LAMA1: variants seen among roughly 807,000 people sequenced by gnomAD.
LAMA1 encodes laminin subunit alpha 1.
Under a neutral mutation model 348.7 loss-of-function variants are expected in LAMA1, and 219 were observed. The ratio of observed to expected loss-of-function variants is 0.63; its 90% CI spans 0.56 to 0.70. The LOEUF (loss-of-function observed/expected upper bound fraction) is 0.70. Among genes scored for constraint, LAMA1 ranks in the 30% least tolerant of loss-of-function variants. The pLI is 0.00. For synonymous variants in LAMA1, 1,487 were observed against 1,491.0 expected (o/e 1.00, Z 0.06); for missense variants, 3,744 against 3,888.0 (o/e 0.96, Z 0.99).
At chr18:6,952,861 G>GTGGAT (rs1600343485) in intron 57 of LAMA1, among the ~76,000 whole-genome samples, 5 of 148,912 alleles carry the variant, frequency 3.4e-5, no homozygotes, top group South Asian at 2.1e-4. Flanking sequence ...CCTGTGTCCA[G>GTGGAT]CGGATCCACG....
intron 21 of LAMA1, 25 bp downstream of exon 21, chr18:7,016,466 C>CAAACAAGGAAACAAGGAAAAG (rs1283613879): frequency 6.2e-7 from 1 of 1,614,042 alleles, no homozygotes; most frequent in East Asian, 2.2e-5. Flanking sequence ...ACTACAAAGT[C>CAAACAAGGAAACAAGGAAAAG]TCAAACAAGG....
intron 1 of LAMA1, among the ~76,000 whole-genome samples, chr18:7,098,610 C>T (rs555956210): frequency 1.5e-3 from 230 of 150,608 alleles, no homozygotes; most frequent in African/African-American, 5.4e-3. Flanking sequence ...ACCCTCTGCC[C>T]GGCAACCGCC....
Position 6,965,307 on chromosome 18 carries a change from G to T in LAMA1, c.7176C>A (p.Phe2392Leu), listed in dbSNP as rs766367131. ...CCCTACCTTGCTTCCGGTTTCGCTGGAAGGCAATTTTGTACCAGGTTCCAT... is the reference window on the plus strand; with the variant it reads ...CCCTACCTTGCTTCCGGTTTCGCTGTAAGGCAATTTTGTACCAGGTTCCAT... ...YNNGTWYKIA[F>L]QRNRKQGVLA... Residue 2392 changes from phenylalanine (F) to leucine (L), a missense_variant, in exon 50 of 63, where the codon TTC becomes TTA. Transcript: ENST00000389658. 3.0e-5 allele frequency: 48 copies of T among 1,614,072 alleles called. 1 individual carries two copies. In the South Asian group the frequency reaches 5.2e-4, roughly 17 times the overall value.
chr18:7,004,580 A>G (rs683459), intron 29 of LAMA1, among the ~76,000 whole-genome samples: 51,656 of 151,992 alleles, frequency 0.34, 9,452 homozygotes, highest in African/African-American at 0.47. Context: ...TCAAACTCCC[A>G]GCCCCAGGTG....
At chr18:6,993,565 CAT>C in intron 35 of LAMA1, 74 bp downstream of exon 35, 1 of 1,041,360 alleles carries the variant, frequency 9.6e-7, no homozygotes, top group Non-Finnish European at 1.5e-6. Context: ...TACATCTATT[CAT>C]ATGTTTAATA....
chr18:7,036,970 A>AG (rs1287101137), intron 12 of LAMA1, among the ~76,000 whole-genome samples: 1 of 152,104 alleles, frequency 6.6e-6, no homozygotes, highest in African/African-American at 2.4e-5. Flanking sequence ...ATAAGTGGGG[A>AG]GGGGGGAATG....
chr18:7,068,545 A>G (rs1736956996), intron 3 of LAMA1, among the ~76,000 whole-genome samples: 1 of 152,184 alleles, frequency 6.6e-6, no homozygotes, highest in South Asian at 2.1e-4. Flanking sequence ...ATCACAGGGG[A>G]TTTTTTAAAT....
At chr18:7,002,238 T>C (rs1568025841) in intron 30 of LAMA1, 26 bp downstream of exon 30, 2 of 1,608,784 alleles carry the variant, frequency 1.2e-6, no homozygotes, top group Admixed American at 1.7e-5. Context: ...CAGCCCAGCA[T>C]GCCAGCTGCC....
In LAMA1 at chr18:7,077,494, T is replaced by G. The variant is rs79562423; in HGVS notation, c.345+2481A>C. ...TGCTGGGATTACAGGCATGAGCCACTGCACCTGGCTGTCTATGCTTATTTT... is the reference window on the plus strand; with the variant it reads ...TGCTGGGATTACAGGCATGAGCCACGGCACCTGGCTGTCTATGCTTATTTT... On this transcript the variant is annotated intron_variant, in intron 3 of 62. Coordinates refer to ENST00000389658, the MANE Select transcript of LAMA1 (RefSeq NM_005559.4). 2.0e-3 allele frequency among the ~76,000 whole-genome samples: 298 copies of G among 152,206 alleles called. 11 individuals are homozygous for G. In the East Asian group the frequency reaches 0.054, roughly 27 times the overall value.
intron 3 of LAMA1, among the ~76,000 whole-genome samples, chr18:7,077,926 C>A (rs901322950): frequency 6.6e-6 from 1 of 151,126 alleles, no homozygotes; most frequent in African/African-American, 2.4e-5. Flanking sequence ...ATCAGAAGTT[C>A]GAGACCACAC....
intron 1 of LAMA1, among the ~76,000 whole-genome samples, chr18:7,107,788 GC>G (rs35875348): frequency 2.0e-5 from 3 of 152,018 alleles, no homozygotes; most frequent in Non-Finnish European, 2.9e-5. Context: ...GCTGAGGCGG[GC>G]AGATCACGAG....
intron 1 of LAMA1, among the ~76,000 whole-genome samples, chr18:7,095,852 A>G (rs1282840968): frequency 6.6e-6 from 1 of 152,180 alleles, no homozygotes; most frequent in East Asian, 1.9e-4. Context: ...GCAGATCATG[A>G]GGTCAGGAAT....
At chr18:6,969,570 G>A (rs774835520) in intron 48 of LAMA1, among the ~76,000 whole-genome samples, 2 of 152,226 alleles carry the variant, frequency 1.3e-5, no homozygotes, top group African/African-American at 2.4e-5. Context: ...TTACAAACAC[G>A]TATTTTTGGA....
chr18:7,098,611 G>A (rs1246402201), intron 1 of LAMA1, among the ~76,000 whole-genome samples: 3 of 150,920 alleles, frequency 2.0e-5, no homozygotes, highest in Admixed American at 6.6e-5. Flanking sequence ...CCCTCTGCCC[G>A]GCAACCGCCC....
At chr18:7,109,781 G>T (rs879929481) in intron 1 of LAMA1, among the ~76,000 whole-genome samples, 1 of 143,486 alleles carries the variant, frequency 7.0e-6, no homozygotes, top group African/African-American at 2.7e-5. Context: ...AGGTGGGCAG[G>T]AGCAGAGGGA....
At chr18:7,015,969 C>T in intron 21 of LAMA1, 111 bp from the exon 22 acceptor site, 1 of 1,313,970 alleles carries the variant, frequency 7.6e-7, no homozygotes, top group Non-Finnish European at 1.1e-6. Flanking sequence ...CTTCTCACTC[C>T]TAAAAGACGC....
intron 46 of LAMA1, among the ~76,000 whole-genome samples, chr18:6,974,443 C>T (rs1400311883): frequency 6.7e-6 from 1 of 148,464 alleles, no homozygotes; most frequent in African/African-American, 2.5e-5. Context: ...GTAACAAATG[C>T]TTATTTCTTT....
At chr18:6,968,723 C>T (rs2057644915) in intron 48 of LAMA1, among the ~76,000 whole-genome samples, 1 of 152,120 alleles carries the variant, frequency 6.6e-6, no homozygotes, top group Non-Finnish European at 1.5e-5. Flanking sequence ...TAACAGACTG[C>T]TCATAATTAC....
Position 7,055,453 on chromosome 18 carries a change from CAAAAAAA to C in LAMA1, c.346-4524_346-4518del, listed in dbSNP as rs57670126. 4.4e-4 allele frequency among the ~76,000 whole-genome samples: 27 copies of C among 61,768 alleles called. No homozygotes were observed. The East Asian group carries it at 5.0e-3, about 11-fold the overall frequency. 40.5% of individuals were successfully genotyped at this position (61,768 alleles called of 152,430 possible). On this transcript the variant is annotated intron_variant, in intron 3 of 62. Transcript: ENST00000389658. Reference sequence around the variant, plus strand: ...TGGGTGACAGAGTGAAACTCCGTCTCAAAAAAAAAAAAAAAAAAAAAAAATTTACCCA... The same window carrying C: ...TGGGTGACAGAGTGAAACTCCGTCTCAAAAAAAAAAAAAAAAATTTACCCA...
Sources: gnomAD v4.1 joint callset for allele counts (sites outside exome capture counted in the v4.1 genomes callset) on GRCh38, gnomAD v4.1.1 for gene constraint, MANE v1.5 for transcripts, NCBI Gene and HGNC (gene_info 2026-07-23, HGNC 2026-07-21) for gene names.